CENPQ: variants seen among roughly 807,000 people sequenced by gnomAD.
CENPQ encodes chromosome 6 open reading frame 139.
In CENPQ, 27 loss-of-function variants were observed where a neutral mutation model predicts 36.6. The ratio of observed to expected loss-of-function variants is 0.74; its 90% CI spans 0.54 to 1.02. The LOEUF is 1.02. CENPQ is among the 50% of genes least tolerant of loss of function. The pLI is 0.00. For synonymous variants in CENPQ, 101 were observed against 101.7 expected, an observed-to-expected ratio of 0.99 and a Z score of 0.04; for missense variants, 306 against 301.8, an observed-to-expected ratio of 1.01 and a Z score of -0.10.
Position 49,485,336 on chromosome 6 carries a change from C to T in CENPQ, c.478-3016C>T, listed in dbSNP as rs1389273768. ...CTGGGGAAACAACAATGGTGAACAC[C>T]ATCTCGGAGATTCTGGGAGGATGGC... On this transcript the variant is annotated intron_variant, in intron 6 of 8. Coordinates refer to ENST00000335783, the MANE Select transcript of CENPQ (RefSeq NM_018132.4). Among the ~76,000 whole-genome samples the T allele has an allele frequency of 2.6e-5, 4 of 152,164 alleles. No homozygotes were observed. The East Asian group carries it at 7.7e-4, about 29-fold the overall frequency.
At chr6:49,478,651 C>T (rs1768358117) in intron 5 of CENPQ, among the ~76,000 whole-genome samples, 1 of 152,156 alleles carries the variant, frequency 6.6e-6, no homozygotes, top group Non-Finnish European at 1.5e-5. Flanking sequence ...GAGATGGTTT[C>T]TGATTTGCTG....
intron 1 of CENPQ, 122 bp from the exon 2 acceptor site, chr6:49,470,037 T>TAAA: frequency 1.3e-4 from 51 of 401,774 alleles, no homozygotes; most frequent in South Asian, 3.0e-4. Flanking sequence ...GATTTTTCTT[T>TAAA]AAAAAAAAAA....
intron 3 of CENPQ, 78 bp from the exon 4 acceptor site, chr6:49,471,985 G>A: frequency 6.9e-7 from 1 of 1,439,284 alleles, no homozygotes; most frequent in Non-Finnish European, 9.3e-7. Flanking sequence ...AGCTTTTTTA[G>A]ATGAAAACAT....
chr6:49,485,614 A>G (rs1263974854), intron 6 of CENPQ, among the ~76,000 whole-genome samples: 1 of 152,214 alleles, frequency 6.6e-6, no homozygotes, highest in African/African-American at 2.4e-5. Context: ...ATAAATCAGA[A>G]TTAGAAATAC....
Position 49,481,248 on chromosome 6 carries a change from G to C in CENPQ, c.477+168G>C, listed in dbSNP as rs570535190. Among the ~76,000 whole-genome samples, 399 of 152,170 alleles carry C rather than the reference G, an allele frequency of 2.6e-3. 2 individuals carry two copies. The highest frequency in any genetic ancestry group is 9.0e-3 in the African/African-American group (372 of 41,490). On this transcript the variant is annotated intron_variant, in intron 6 of 8. Transcript: ENST00000335783. Reference sequence around the variant, plus strand: ...GTTGTTTTCATTAAAGCAAAAATTTGTCTGAACTTGGCACCTCTAAAGTTG... The same window carrying C: ...GTTGTTTTCATTAAAGCAAAAATTTCTCTGAACTTGGCACCTCTAAAGTTG...
intron 4 of CENPQ, among the ~76,000 whole-genome samples, chr6:49,472,533 T>G (rs1768166095): frequency 6.6e-6 from 1 of 152,148 alleles, no homozygotes; most frequent in Non-Finnish European, 1.5e-5. Context: ...TAAGACAGAA[T>G]TCTGCCATTG....
At chr6:49,484,215 C>T (rs1768525802) in intron 6 of CENPQ, among the ~76,000 whole-genome samples, 1 of 152,180 alleles carries the variant, frequency 6.6e-6, no homozygotes, top group Non-Finnish European at 1.5e-5. Flanking sequence ...CTCACAATGA[C>T]TTAGAGTATG....
intron 5 of CENPQ, among the ~76,000 whole-genome samples, chr6:49,479,371 T>C (rs1299281910): frequency 2.0e-5 from 3 of 151,728 alleles, no homozygotes; most frequent in African/African-American, 4.8e-5. Context: ...CCAACAAACA[T>C]GAAAAAAATG....
intron 6 of CENPQ, among the ~76,000 whole-genome samples, chr6:49,482,087 G>A (rs749206976): frequency 6.6e-5 from 10 of 152,158 alleles, no homozygotes; most frequent in Non-Finnish European, 1.3e-4. Context: ...TTCATTGCCT[G>A]GGGCTGGCAG....
At position 49,469,599 on chromosome 6, in the gene CENPQ, A is replaced by G. The variant is rs759308785; in HGVS notation, c.-18-560A>G. 5.5e-4 allele frequency among the ~76,000 whole-genome samples: 84 copies of G among 152,196 alleles called. 1 individual carries two copies. The highest frequency in any genetic ancestry group is 5.1e-4 in the Non-Finnish European group (35 of 68,036). On this transcript the variant is annotated intron_variant, in intron 1 of 8. Coordinates refer to ENST00000335783, the MANE Select transcript of CENPQ (RefSeq NM_018132.4). ...CATTTCTGTACTCTTGTTAAAATGC[A>G]CATAGCCCAGATAGGATTGCAGTTT...
In CENPQ at chr6:49,485,481, A is replaced by G. The variant is rs1214654509; in HGVS notation, c.478-2871A>G. On this transcript the variant is annotated intron_variant, in intron 6 of 8. Coordinates refer to ENST00000335783, the MANE Select transcript of CENPQ (RefSeq NM_018132.4). ...TATGACAATAAAGACCAAAAATAAC[A>G]TTCCTGATACACCGAAAGCATACCA... Among the ~76,000 whole-genome samples, 6 of 152,324 alleles carry G rather than the reference A, an allele frequency of 3.9e-5. No homozygotes were observed. In the East Asian group the frequency reaches 1.2e-3, roughly 29 times the overall value.
chr6:49,485,351 G>A lies in CENPQ; in HGVS notation c.478-3001G>A, dbSNP rs1330445714. ...TGGTGAACACCATCTCGGAGATTCT[G>A]GGAGGATGGCATTAGAACAGCTGAA... On this transcript the variant is annotated intron_variant, in intron 6 of 8. Coordinates refer to ENST00000335783, the MANE Select transcript of CENPQ (RefSeq NM_018132.4). 2.6e-5 allele frequency among the ~76,000 whole-genome samples: 4 copies of A among 152,184 alleles called. No homozygotes were observed. The South Asian group carries it at 6.2e-4, about 24-fold the overall frequency.
intron 1 of CENPQ, among the ~76,000 whole-genome samples, chr6:49,469,583 A>C (rs1472896430): frequency 1.3e-5 from 2 of 152,072 alleles, no homozygotes; most frequent in Non-Finnish European, 2.9e-5. Flanking sequence ...ACATTTCTGT[A>C]CTCTTGTTAA....
chr6:49,488,728 A>T (rs1768650503), intron 8 of CENPQ, 44 bp downstream of exon 8: 1 of 1,499,144 alleles, frequency 6.7e-7, no homozygotes, highest in Non-Finnish European at 9.3e-7. Context: ...TACTTTAGAG[A>T]TGTTGCAAAT....
intron 5 of CENPQ, among the ~76,000 whole-genome samples, chr6:49,475,917 A>C (rs1036922931): frequency 3.3e-5 from 5 of 152,216 alleles, no homozygotes; most frequent in Admixed American, 2.0e-4. Flanking sequence ...GCTCAACGAA[A>C]TAAAAGAGGA....
At chr6:49,476,396 TCCTTATA>T (rs1189949480) in intron 5 of CENPQ, among the ~76,000 whole-genome samples, 2 of 152,190 alleles carry the variant, frequency 1.3e-5, no homozygotes, top group African/African-American at 4.8e-5. Context: ...CTGGATCCCT[TCCTTATA>T]CCTTATACAA....
chr6:49,472,736 G>C (rs1209713335), intron 4 of CENPQ, 54 bp from the exon 5 acceptor site: 2 of 1,338,902 alleles, frequency 1.5e-6, no homozygotes, highest in Non-Finnish European at 2.0e-6. Flanking sequence ...AGTACAAAGA[G>C]TATATGATTT....
intron 5 of CENPQ, among the ~76,000 whole-genome samples, chr6:49,475,092 G>T (rs1176434569): frequency 1.3e-5 from 2 of 152,134 alleles, no homozygotes; most frequent in East Asian, 3.9e-4. Flanking sequence ...GGAGGAGCTG[G>T]AACCATTCCT....
At chr6:49,479,313 G>A (rs1377784513) in intron 5 of CENPQ, among the ~76,000 whole-genome samples, 1 of 152,032 alleles carries the variant, frequency 6.6e-6, no homozygotes, top group Non-Finnish European at 1.5e-5. Context: ...ATTAAAAAGT[G>A]GGCAAAGGAC....
Sources: allele counts gnomAD v4.1 joint callset (sites outside exome capture counted in the v4.1 genomes callset), GRCh38; gene constraint gnomAD v4.1.1; transcripts MANE v1.5; gene names NCBI Gene and HGNC (gene_info 2026-07-23, HGNC 2026-07-21).